The following NXN variants were observed in gnomAD, a reference collection of about 807,000 sequenced individuals.
The protein encoded by NXN is nucleoredoxin 1.
A neutral mutation model predicts 48.6 loss-of-function variants in NXN; 16 were observed. That is an observed-to-expected ratio of 0.33 (90% CI 0.22 to 0.50). The LOEUF is 0.50. NXN is among the 20% of genes least tolerant of loss of function. The probability of loss-of-function intolerance (pLI) is 0.98; values close to 1 mark genes in which losing one functional copy is unlikely to be tolerated. For synonymous variants in NXN, 281 were observed against 269.6 expected, an observed-to-expected ratio of 1.04 and a Z score of -0.41; for missense variants, 492 against 605.5, an observed-to-expected ratio of 0.81 and a Z score of 1.97.
At chr17:885,002 C>T (rs73975579) in intron 1 of NXN, among the ~76,000 whole-genome samples, 9,190 of 152,180 alleles carry the variant, frequency 0.06, 540 homozygotes, top group African/African-American at 0.15. Flanking sequence ...CATCCTATGG[C>T]GAGCGCCATC....
intron 1 of NXN, among the ~76,000 whole-genome samples, chr17:952,237 G>GT (rs1197998037): frequency 1.3e-5 from 1 of 77,362 alleles, no homozygotes; most frequent in African/African-American, 6.1e-5. Context: ...CGGTCACACT[G>GT]TGGGGGGGCT....
rs1217630411 is a variant in NXN at position 956,046 on chromosome 17, C to T, written c.360+23273G>A. Among the ~76,000 whole-genome samples, 2 of 152,138 alleles carry T rather than the reference C, an allele frequency of 1.3e-5. No individual in the cohort carries two copies. The highest frequency in any genetic ancestry group is 2.4e-5 in the African/African-American group (1 of 41,444). ...CAAAGAAGACTGTGGCCACATAATC[C>T]CCCTGTCCTTTCCAGGGTATCATTC... On this transcript the variant is annotated intron_variant, in intron 1 of 7. Coordinates refer to ENST00000336868, the MANE Select transcript of NXN (RefSeq NM_022463.5). This position sits in a 1 kb window ranked among gnomAD's most constrained non-coding sequence, Gnocchi z 4.1.
chr17:939,720 C>CA (rs1020346096), intron 1 of NXN, among the ~76,000 whole-genome samples: 2 of 152,182 alleles, frequency 1.3e-5, no homozygotes, highest in African/African-American at 4.8e-5. Context: ...GTAAGACACA[C>CA]ACGTACGTGC....
chr17:934,469 T>G (rs1463902197), intron 1 of NXN, among the ~76,000 whole-genome samples: 3 of 147,916 alleles, frequency 2.0e-5, no homozygotes, highest in Non-Finnish European at 3.0e-5. Flanking sequence ...AAAAGTACAA[T>G]AAGAAGAAAA....
intron 1 of NXN, among the ~76,000 whole-genome samples, chr17:894,994 CTTTTTT>C (rs778350779): frequency 1.6e-5 from 1 of 60,748 alleles, no homozygotes; most frequent in Admixed American, 2.2e-4. Flanking sequence ...TCACCCTTTC[CTTTTTT>C]TTTTTTTTTT....
At chr17:961,906 G>A (rs1379048455) in intron 1 of NXN, among the ~76,000 whole-genome samples, 2 of 152,076 alleles carry the variant, frequency 1.3e-5, no homozygotes, top group Admixed American at 6.6e-5. Context: ...AGGTGGAGGC[G>A]GGTGGATCAC....
rs71145787 is a variant in NXN at position 890,550 on chromosome 17, ATT to A, written c.361-64474_361-64473del. Among the ~76,000 whole-genome samples, 434 of 146,918 alleles carry A rather than the reference ATT, an allele frequency of 3.0e-3. 1 individual carries two copies. Among genetic ancestry groups the A allele is most frequent in the Non-Finnish European group, 4.8e-3 (321 of 66,694 alleles). ...CCAGCACGCCCGGCTAATTTTTTGT[ATT>A]TTTTTTTTTAGTAGAGATGGGGTTT... On this transcript the variant is annotated intron_variant, in intron 1 of 7. Coordinates refer to ENST00000336868, the MANE Select transcript of NXN (RefSeq NM_022463.5).
At chr17:833,669 C>A (rs919537645) in intron 1 of NXN, among the ~76,000 whole-genome samples, 6 of 152,112 alleles carry the variant, frequency 3.9e-5, no homozygotes, top group African/African-American at 1.4e-4. Context: ...GTTCATAAAT[C>A]CCCCTGAAGC....
intron 1 of NXN, among the ~76,000 whole-genome samples, chr17:833,566 T>C (rs1913615671): frequency 6.6e-6 from 1 of 152,216 alleles, no homozygotes; most frequent in Non-Finnish European, 1.5e-5. Flanking sequence ...ATAGTCATTT[T>C]TGGGTCACAG....
intron 1 of NXN, among the ~76,000 whole-genome samples, chr17:922,704 T>G (rs535776477): frequency 2.0e-5 from 3 of 151,816 alleles, no homozygotes; most frequent in African/African-American, 7.2e-5. Flanking sequence ...CAGGCTGGAG[T>G]GCAGTGGTGC....
chr17:842,036 T>C lies in NXN; in HGVS notation c.361-15958A>G, dbSNP rs574144915. ...CTGTAACCCCAGCAACTCAGGAGGC[T>C]GCGGCAGGAGAATCGCTTGAACCTG... On this transcript the variant is annotated intron_variant, in intron 1 of 7. Transcript: ENST00000336868. Among the ~76,000 whole-genome samples, 238 of 152,162 alleles carry C rather than the reference T, an allele frequency of 1.6e-3. 1 individual carries two copies. Among genetic ancestry groups the C allele is most frequent in the African/African-American group, 5.2e-3 (215 of 41,540 alleles).
At chr17:923,514 T>C (rs1370006893) in intron 1 of NXN, among the ~76,000 whole-genome samples, 1 of 152,114 alleles carries the variant, frequency 6.6e-6, no homozygotes, top group Non-Finnish European at 1.5e-5. Context: ...CGAGACCGTG[T>C]CTCAAAAACA....
chr17:833,047 C>T (rs1345680508), intron 1 of NXN, among the ~76,000 whole-genome samples: 13 of 152,176 alleles, frequency 8.5e-5, no homozygotes, highest in South Asian at 2.1e-4. Context: ...CCTGCCACCA[C>T]GCCCAGCTAA....
intron 1 of NXN, among the ~76,000 whole-genome samples, chr17:841,417 C>CTTCCAGCAGT (rs1567827401): frequency 8.3e-6 from 1 of 120,312 alleles, no homozygotes; most frequent in Non-Finnish European, 2.0e-5. Context: ...CCCCTGACCA[C>CTTCCAGCAGT]GGCGCATCTC....
intron 5 of NXN, among the ~76,000 whole-genome samples, chr17:811,531 A>G (rs1434214848): frequency 6.6e-6 from 1 of 151,406 alleles, no homozygotes; most frequent in African/African-American, 2.4e-5. Flanking sequence ...AGCACTCTGG[A>G]AGCCAGTTAT....
At chr17:859,680 G>A (rs547209167) in intron 1 of NXN, among the ~76,000 whole-genome samples, 13 of 152,230 alleles carry the variant, frequency 8.5e-5, no homozygotes, top group East Asian at 1.9e-4. Flanking sequence ...CTGCTCTGGG[G>A]ACACCACAGT....
intron 1 of NXN, among the ~76,000 whole-genome samples, chr17:957,985 C>G (rs535371132): frequency 2.0e-5 from 3 of 151,536 alleles, no homozygotes; most frequent in Admixed American, 2.0e-4. Flanking sequence ...AATGTTTCCA[C>G]GGAGCACGGG....
intron 1 of NXN, among the ~76,000 whole-genome samples, chr17:925,951 C>CT (rs2068793689): frequency 6.6e-6 from 1 of 152,174 alleles, no homozygotes; most frequent in Non-Finnish European, 1.5e-5. Context: ...ATAATCTTTG[C>CT]TTTTTCTTCC....
At chr17:941,511 A>ATC (rs2068975625) in intron 1 of NXN, among the ~76,000 whole-genome samples, 3 of 78,336 alleles carry the variant, frequency 3.8e-5, no homozygotes, top group Admixed American at 2.6e-4. Context: ...GAATTCACCA[A>ATC]ACACCTCCCT....
Sources: allele counts gnomAD v4.1 joint callset (sites outside exome capture counted in the v4.1 genomes callset), GRCh38; gene constraint gnomAD v4.1.1; non-coding constraint Gnocchi (gnomAD v3.1); transcripts MANE v1.5; gene names NCBI Gene and HGNC (gene_info 2026-07-23, HGNC 2026-07-21).